RPAP3: variants seen among roughly 807,000 people sequenced by gnomAD.
RPAP3 encodes the protein RNA polymerase II associated protein 3.
Under a neutral mutation model 88.8 loss-of-function variants are expected in RPAP3, and 58 were observed. The observed-to-expected ratio is 0.65, with a 90% CI of 0.53 to 0.81. The LOEUF (loss-of-function observed/expected upper bound fraction) is 0.81. Ranked by LOEUF, RPAP3 falls within the 40% of genes least tolerant of loss-of-function variation. RPAP3 has a pLI of 0.00. For missense variants in RPAP3, 751 were observed against 764.3 expected, an observed-to-expected ratio of 0.98 and a Z score of 0.20; for synonymous variants, 255 against 259.9, an observed-to-expected ratio of 0.98 and a Z score of 0.18.
In RPAP3 at chr12:47,696,263, AG is replaced by A. The variant is rs1939523435; in HGVS notation, c.545+12del. The A allele has an allele frequency of 6.6e-7, 1 of 1,521,600 alleles. No individual in the cohort carries two copies. Among genetic ancestry groups the A allele is most frequent in the African/African-American group, 1.4e-5 (1 of 71,034 alleles). The allele number at this position is 1,521,600 out of a possible 1,614,324, so 94.3% of individuals were successfully genotyped here. A position where few individuals can be genotyped will look rare whatever the true frequency, so the allele number is the denominator to read the frequency against. The stretch of plus-strand genomic sequence containing the variant: ...AGACATTCACATTCACACACGTCAC[AG>A]AAAGTCCTTACTTTTTCAGTCTAAA... On this transcript the variant is annotated intron_variant, in intron 5 of 16. Coordinates refer to ENST00000005386, the MANE Select transcript of RPAP3 (RefSeq NM_024604.3).
At chr12:47,681,929 C>CAAACACAGATT in intron 9 of RPAP3, 112 bp from the exon 10 acceptor site, 1 of 1,017,124 alleles carries the variant, frequency 9.8e-7, no homozygotes, top group Non-Finnish European at 1.4e-6. Context: ...TCACTAACTT[C>CAAACACAGATT]TAAATCTGTG....
intron 13 of RPAP3, 60 bp from the exon 14 acceptor site, chr12:47,669,162 G>T: frequency 1.7e-6 from 2 of 1,193,162 alleles, no homozygotes; most frequent in Admixed American, 2.3e-5. Flanking sequence ...GCTCAATCAA[G>T]GAGACATCAA....
intron 4 of RPAP3, 103 bp from the exon 5 acceptor site, chr12:47,696,506 G>A: frequency 7.0e-6 from 5 of 712,504 alleles, no homozygotes; most frequent in Non-Finnish European, 1.0e-5. Context: ...CCACTTAAAT[G>A]TAGATTTTTT....
chr12:47,690,096 A>T (rs1939401295), intron 6 of RPAP3, among the ~76,000 whole-genome samples: 1 of 152,096 alleles, frequency 6.6e-6, no homozygotes, highest in African/African-American at 2.4e-5. Context: ...CCAATTAAAT[A>T]TCAGCTTTAT....
At chr12:47,690,984 A>G (rs1022146427) in intron 5 of RPAP3, among the ~76,000 whole-genome samples, 1 of 152,246 alleles carries the variant, frequency 6.6e-6, no homozygotes, top group Non-Finnish European at 1.5e-5. Context: ...CCTTAATTAA[A>G]AAACTTTATT....
intron 12 of RPAP3, among the ~76,000 whole-genome samples, chr12:47,677,020 A>G (rs1939129557): frequency 6.6e-6 from 1 of 152,236 alleles, no homozygotes. Context: ...CGAATCCAGT[A>G]GCACACCAAA....
chr12:47,670,151 T>C lies in RPAP3; in HGVS notation c.1482A>G (p.Ala494=), dbSNP rs1938965165. The C allele has an allele frequency of 1.9e-6, 3 of 1,613,414 alleles. No homozygotes were observed. Among genetic ancestry groups the C allele is most frequent in the East Asian group, 4.5e-5 (2 of 44,848 alleles). The change falls in exon 13 of 17, where the codon GCA becomes GCG. Residue 494 remains alanine, a synonymous_variant. Coordinates refer to ENST00000005386, the MANE Select transcript of RPAP3 (RefSeq NM_024604.3). The part of the protein sequence containing the change: ...DLFPTSDTPR[A]KVLKIEEVSD... Reference sequence around the variant, plus strand: ...TGACTTCTTCTATTTTCAATACTTTTGCTCTTGGAGTATCACTTGTGGGAA... The same window carrying C: ...TGACTTCTTCTATTTTCAATACTTTCGCTCTTGGAGTATCACTTGTGGGAA...
intron 7 of RPAP3, among the ~76,000 whole-genome samples, chr12:47,688,629 C>T (rs1228863660): frequency 6.6e-6 from 1 of 152,174 alleles, no homozygotes; most frequent in Non-Finnish European, 1.5e-5. Context: ...TTCATTACAA[C>T]TACATCACCA....
At chr12:47,679,810 T>A in intron 10 of RPAP3, 36 bp from the exon 11 acceptor site, 1 of 1,407,368 alleles carries the variant, frequency 7.1e-7, no homozygotes, top group Non-Finnish European at 9.9e-7. Context: ...ACAACATAGT[T>A]AAAATGTGGA....
At chr12:47,703,054 G>A (rs568466567) in intron 1 of RPAP3, among the ~76,000 whole-genome samples, 156 of 152,328 alleles carry the variant, frequency 1.0e-3, no homozygotes, top group Non-Finnish European at 2.0e-3. Context: ...TAGACAAGTT[G>A]AAGCATCCTT....
chr12:47,698,078 TA>T (rs879763341), intron 3 of RPAP3, among the ~76,000 whole-genome samples: 56 of 152,038 alleles, frequency 3.7e-4, no homozygotes, highest in Non-Finnish European at 6.8e-4. Context: ...AGAAAAAGTT[TA>T]AAAAAAAATT....
intron 11 of RPAP3, 52 bp from the exon 12 acceptor site, chr12:47,679,646 A>ATT: frequency 6.6e-7 from 1 of 1,522,802 alleles, no homozygotes; most frequent in Non-Finnish European, 9.0e-7. Flanking sequence ...TATACAACAA[A>ATT]TAAATATATT....
chr12:47,661,775 T>C lies in RPAP3; in HGVS notation c.*1730A>G, dbSNP rs1938764678. 6.6e-6 allele frequency: 1 copy of C among 152,190 alleles called. No homozygotes were observed. Among genetic ancestry groups the C allele is most frequent in the South Asian group, 2.1e-4 (1 of 4,834 alleles). The allele number at this position is 152,190 out of a possible 1,614,324, so 9.4% of individuals were successfully genotyped here. A position where few individuals can be genotyped will look rare whatever the true frequency, so the allele number is the denominator to read the frequency against. On this transcript the variant is annotated 3_prime_UTR_variant, in exon 17 of 17. Transcript: ENST00000005386. ...CGTTCTGAACTGTTTTGGCCAATTT[T>C]TAGCTCTATAATCATGCAGAGAACA... is the stretch of plus-strand genomic sequence containing the variant.
At chr12:47,679,932 T>C (rs925989351) in intron 10 of RPAP3, among the ~76,000 whole-genome samples, 158 bp from the exon 11 acceptor site, 5 of 152,300 alleles carry the variant, frequency 3.3e-5, no homozygotes, top group Middle Eastern at 6.8e-3. Context: ...TAAGAACATT[T>C]ACTGAACACT....
intron 9 of RPAP3, 33 bp from the exon 10 acceptor site, chr12:47,681,850 A>G: frequency 2.0e-6 from 3 of 1,530,770 alleles, no homozygotes; most frequent in Middle Eastern, 3.5e-4. Context: ...TGACTGGAAA[A>G]AAGGCAGCTT....
In RPAP3 at chr12:47,668,974, AG is replaced by A. The variant is rs1938938616; in HGVS notation, c.1654del (p.Leu552SerfsTer8). 6.2e-7 allele frequency: 1 copy of A among 1,613,958 alleles called. No individual in the cohort carries two copies. Among genetic ancestry groups the A allele is most frequent in the South Asian group, 1.1e-5 (1 of 91,076 alleles). ...TTTCAATTGTCTGAAATCAGATTCG[AG>A]CTGGAACGAGTTTGCAGGAATTGGA... ...LPPIPANSFQ[L>X]ESDFRQLKSS... On this transcript the variant is annotated frameshift_variant, in exon 14 of 17. Coordinates refer to ENST00000005386, the MANE Select transcript of RPAP3 (RefSeq NM_024604.3). LOFTEE classifies it high-confidence loss of function.
chr12:47,684,443 G>A (rs1423074032), intron 9 of RPAP3, among the ~76,000 whole-genome samples: 1 of 152,176 alleles, frequency 6.6e-6, no homozygotes. Flanking sequence ...ACTAGGAGTA[G>A]TCTAAGCTTG....
At chr12:47,685,100 C>A (rs995265296) in intron 9 of RPAP3, among the ~76,000 whole-genome samples, 15 of 152,100 alleles carry the variant, frequency 9.9e-5, no homozygotes, top group African/African-American at 3.6e-4. Context: ...ATATTTTGGC[C>A]GGGCGCGGTG....
chr12:47,704,898 A>G (rs559911808), intron 1 of RPAP3, among the ~76,000 whole-genome samples: 6 of 151,572 alleles, frequency 4.0e-5, no homozygotes, highest in South Asian at 2.1e-4. Context: ...CTATAGTTCC[A>G]GCTACTCAGG....
Sources: gnomAD v4.1 joint callset for allele counts (sites outside exome capture counted in the v4.1 genomes callset) on GRCh38, gnomAD v4.1.1 for gene constraint, MANE v1.5 for transcripts, NCBI Gene and HGNC (gene_info 2026-07-23, HGNC 2026-07-21) for gene names.